ASCC1: variants seen among roughly 807,000 people sequenced by gnomAD.
The protein encoded by ASCC1 is activating signal cointegrator 1 complex subunit 1, also known as ASC-1 complex subunit P50.
ASCC1 carries 35 observed loss-of-function variants against 46.6 expected under a neutral mutation model. That is an observed-to-expected ratio of 0.75 (90% CI 0.57 to 0.99). The LOEUF (loss-of-function observed/expected upper bound fraction) is 0.99, where lower values mean the gene tolerates loss of function less well. Ranked by LOEUF, ASCC1 falls within the 50% of genes least tolerant of loss-of-function variation. ASCC1 has a pLI of 0.00. For missense variants in ASCC1, 376 were observed against 428.7 expected (o/e 0.88, Z 1.09); for synonymous variants, 143 against 146.6 (o/e 0.98, Z 0.18).
rs558746293 is a variant in ASCC1 at position 72,138,872 on chromosome 10, G to C, written c.747-5691C>G. 4.0e-5 allele frequency among the ~76,000 whole-genome samples: 6 copies of C among 151,476 alleles called. No individual in the cohort carries two copies. The East Asian group carries it at 1.2e-3, about 30-fold the overall frequency. ...TGAGCCACCGCGCTCGGCTTGTTCTGTTTTCAATTCACTGTGCACTCCACG... is the reference window on the plus strand; with the variant it reads ...TGAGCCACCGCGCTCGGCTTGTTCTCTTTTCAATTCACTGTGCACTCCACG... On this transcript the variant is annotated intron_variant, in intron 7 of 9. Coordinates refer to ENST00000672957, the MANE Select transcript of ASCC1 (RefSeq NM_001198800.3).
At chr10:72,144,986 C>A (rs1373158415) in intron 7 of ASCC1, among the ~76,000 whole-genome samples, 1 of 152,082 alleles carries the variant, frequency 6.6e-6, no homozygotes, top group Non-Finnish European at 1.5e-5. Context: ...GTGGTAAATT[C>A]TCTCCGTTTT....
At position 72,151,275 on chromosome 10, in the gene ASCC1, G is replaced by A. The variant is rs112803853; in HGVS notation, c.746+1594C>T. ...GGAATACTATGCAGCCATAAAAAAG[G>A]ATGAGTTCACGTCCTTTGTGGACAT... On this transcript the variant is annotated intron_variant, in intron 7 of 9. Transcript: ENST00000672957. Among the ~76,000 whole-genome samples, 139 of 152,302 alleles carry A rather than the reference G, an allele frequency of 9.1e-4. 2 individuals carry two copies. Among genetic ancestry groups the A allele is most frequent in the African/African-American group, 3.2e-3 (135 of 41,564 alleles).
chr10:72,096,693 G>T lies in ASCC1; in HGVS notation c.*641C>A. 1 of 454,130 alleles carries T rather than the reference G, an allele frequency of 2.2e-6. No individual in the cohort carries two copies. The highest frequency in any genetic ancestry group is 4.4e-6 in the Non-Finnish European group (1 of 226,804). 28.1% of individuals were successfully genotyped at this position (454,130 alleles called of 1,614,324 possible). ...TTCACTGATGGAGGAACAGAGTGTG[G>T]TACGCACATGTAACGGAACATTCCA... On this transcript the variant is annotated 3_prime_UTR_variant, in exon 10 of 10. Coordinates refer to ENST00000672957, the MANE Select transcript of ASCC1 (RefSeq NM_001198800.3).
At chr10:72,206,410 A>G (rs898407812) in intron 3 of ASCC1, among the ~76,000 whole-genome samples, 1 of 152,224 alleles carries the variant, frequency 6.6e-6, no homozygotes, top group Non-Finnish European at 1.5e-5. Context: ...CGTCTCAAAA[A>G]AAAATAAACA....
At chr10:72,125,664 AAAG>A (rs1478770585) in intron 9 of ASCC1, among the ~76,000 whole-genome samples, 1 of 152,178 alleles carries the variant, frequency 6.6e-6, no homozygotes, top group Admixed American at 6.5e-5. Context: ...TTATTTTAAA[AAAG>A]AAGCTAATTC....
intron 2 of ASCC1, among the ~76,000 whole-genome samples, chr10:72,211,610 T>C (rs1192711326): frequency 2.6e-5 from 4 of 151,682 alleles, no homozygotes; most frequent in Non-Finnish European, 5.9e-5. Context: ...CGGTGACTCA[T>C]GCCTGTAATC....
At chr10:72,104,613 T>C (rs1248089009) in intron 9 of ASCC1, among the ~76,000 whole-genome samples, 4 of 152,150 alleles carry the variant, frequency 2.6e-5, no homozygotes, top group East Asian at 1.9e-4. Context: ...TTGAATTTTT[T>C]CTCCTCACTG....
At chr10:72,190,336 C>A (rs1172672267) in intron 5 of ASCC1, 10 of 1,080,708 alleles carry the variant, frequency 9.3e-6, no homozygotes, top group Non-Finnish European at 1.4e-5. Context: ...GTGAAGATTC[C>A]ACATACAAAT....
chr10:72,107,472 A>C (rs1842467801), intron 9 of ASCC1, among the ~76,000 whole-genome samples: 1 of 152,214 alleles, frequency 6.6e-6, no homozygotes, highest in Non-Finnish European at 1.5e-5. Flanking sequence ...AGAGGCAAGA[A>C]GGAAATGGAG....
chr10:72,161,021 TG>T (rs1849623201), intron 6 of ASCC1, among the ~76,000 whole-genome samples: 3 of 151,894 alleles, frequency 2.0e-5, no homozygotes, highest in Non-Finnish European at 4.4e-5. Context: ...AGGCAGAGCT[TG>T]CAGTGAGCCG....
At chr10:72,207,671 G>A (rs953034067) in intron 3 of ASCC1, among the ~76,000 whole-genome samples, 7 of 152,160 alleles carry the variant, frequency 4.6e-5, no homozygotes, top group African/African-American at 1.4e-4. Flanking sequence ...CTGTGCACCT[G>A]AGGCTAAGAA....
At chr10:72,120,048 C>G (rs1197824038) in intron 9 of ASCC1, among the ~76,000 whole-genome samples, 1 of 152,050 alleles carries the variant, frequency 6.6e-6, no homozygotes, top group African/African-American at 2.4e-5. Flanking sequence ...ACTGGCCTGG[C>G]CAACATGGTG....
At chr10:72,168,609 G>A (rs1850672205) in intron 5 of ASCC1, among the ~76,000 whole-genome samples, 1 of 152,212 alleles carries the variant, frequency 6.6e-6, no homozygotes, top group East Asian at 1.9e-4. Context: ...TTCATATGCT[G>A]AAGCCCTTCC....
chr10:72,125,804 A>AC (rs1477088646), intron 9 of ASCC1, among the ~76,000 whole-genome samples: 1 of 152,052 alleles, frequency 6.6e-6, no homozygotes, highest in South Asian at 2.1e-4. Context: ...TCCATAACTC[A>AC]CCCCATGGTT....
upstream of ASCC1, chr10:72,216,950 G>A (rs1013634699): frequency 1.5e-5 from 7 of 455,992 alleles, no homozygotes; most frequent in Non-Finnish European, 3.1e-5. Context: ...CAATGAGAAA[G>A]AAAAAAATCC....
intron 5 of ASCC1, among the ~76,000 whole-genome samples, chr10:72,178,700 A>G (rs1229576784): frequency 6.6e-6 from 1 of 152,146 alleles, no homozygotes; most frequent in East Asian, 1.9e-4. Context: ...CTATGAAACT[A>G]CCAGAGAACT....
intron 4 of ASCC1, among the ~76,000 whole-genome samples, chr10:72,203,104 T>C (rs1358078205): frequency 6.6e-6 from 1 of 151,760 alleles, no homozygotes; most frequent in Non-Finnish European, 1.5e-5. Context: ...CTGACCAACA[T>C]GGAGAAACCC....
chr10:72,151,941 A>G (rs1334794417), intron 7 of ASCC1, among the ~76,000 whole-genome samples: 1 of 149,682 alleles, frequency 6.7e-6, no homozygotes, highest in East Asian at 2.0e-4. Flanking sequence ...CGCCCACCTC[A>G]GTCTCCCAAG....
intron 5 of ASCC1, among the ~76,000 whole-genome samples, chr10:72,172,726 ATATTATATATAT>A (rs1214905791): frequency 1.4e-5 from 2 of 138,276 alleles, no homozygotes; most frequent in Non-Finnish European, 3.1e-5. Context: ...TAATATTTTT[ATATTATATATAT>A]TACATATATT....
Sources: allele counts gnomAD v4.1 joint callset (sites outside exome capture counted in the v4.1 genomes callset), GRCh38; gene constraint gnomAD v4.1.1; transcripts MANE v1.5; gene names NCBI Gene and HGNC (gene_info 2026-07-23, HGNC 2026-07-21).